The following TBC1D22A variants were observed in gnomAD, a reference collection of about 807,000 sequenced individuals.
The protein encoded by TBC1D22A is putative GTPase activator.
TBC1D22A carries 38 observed loss-of-function variants against 60.2 expected under a neutral mutation model. The observed-to-expected ratio is 0.63, with a 90% CI of 0.49 to 0.83. The LOEUF (loss-of-function observed/expected upper bound fraction) is 0.83, where lower values mean the gene tolerates loss of function less well. Among genes scored for constraint, TBC1D22A ranks in the 40% least tolerant of loss-of-function variants. The pLI, the probability that TBC1D22A is intolerant of heterozygous loss-of-function variation, is 0.00. For synonymous variants in TBC1D22A, 302 were observed against 281.7 expected (o/e 1.07, Z -0.72); for missense variants, 628 against 701.0 (o/e 0.90, Z 1.18).
intron 4 of TBC1D22A, among the ~76,000 whole-genome samples, chr22:46,807,134 G>A (rs1312171006): frequency 5.3e-5 from 8 of 152,246 alleles, no homozygotes; most frequent in African/African-American, 1.9e-4. Context: ...TCTTTAAGAA[G>A]GAAAGTTGGA....
intron 12 of TBC1D22A, among the ~76,000 whole-genome samples, chr22:47,155,467 TG>T (rs2067675982): frequency 1.3e-5 from 2 of 152,136 alleles, no homozygotes; most frequent in Admixed American, 1.3e-4. Context: ...TATCAGAGCC[TG>T]CACTCCGGGC....
At chr22:47,034,261 G>A (rs1459664418) in intron 10 of TBC1D22A, among the ~76,000 whole-genome samples, 3 of 152,196 alleles carry the variant, frequency 2.0e-5, no homozygotes, top group East Asian at 1.9e-4. Flanking sequence ...TGGAGTGGGT[G>A]TCCTGCGTGA....
At chr22:46,996,117 G>A (rs192962500) in intron 9 of TBC1D22A, among the ~76,000 whole-genome samples, 103 of 152,332 alleles carry the variant, frequency 6.8e-4, no homozygotes, top group East Asian at 5.2e-3. Context: ...CCCCACTGTC[G>A]GAAAGGCTGC....
intron 4 of TBC1D22A, among the ~76,000 whole-genome samples, chr22:46,852,335 A>C (rs963748387): frequency 6.6e-6 from 1 of 152,184 alleles, no homozygotes; most frequent in African/African-American, 2.4e-5. Context: ...CCAGAACCCC[A>C]GGGTGGCGGC....
At chr22:46,792,923 G>T (rs2084482769) in intron 2 of TBC1D22A, 1 of 1,359,738 alleles carries the variant, frequency 7.4e-7, no homozygotes, top group East Asian at 2.6e-5. Flanking sequence ...TCCACCAGCT[G>T]CTGGAGCCCG....
intron 3 of TBC1D22A, among the ~76,000 whole-genome samples, chr22:46,795,031 T>G (rs563479400): frequency 6.6e-6 from 1 of 152,378 alleles, no homozygotes; most frequent in Non-Finnish European, 1.5e-5. Context: ...ACTTCTAAAA[T>G]GTTACAGCTC....
chr22:46,781,465 C>A (rs1272199451), intron 1 of TBC1D22A, among the ~76,000 whole-genome samples: 1 of 152,194 alleles, frequency 6.6e-6, no homozygotes, highest in African/African-American at 2.4e-5. Context: ...CCTGAGCCAC[C>A]ACGCCCAACC....
chr22:46,831,178 A>G (rs2086293055), intron 4 of TBC1D22A, among the ~76,000 whole-genome samples: 1 of 152,140 alleles, frequency 6.6e-6, no homozygotes, highest in Non-Finnish European at 1.5e-5. Context: ...AGGAGCAGAG[A>G]GCATGGACAG....
intron 8 of TBC1D22A, among the ~76,000 whole-genome samples, chr22:46,920,330 T>C (rs952843590): frequency 2.6e-4 from 39 of 152,292 alleles, no homozygotes; most frequent in Admixed American, 1.3e-3. Context: ...TCTTCTTCCT[T>C]GGCCTCTCAA....
intron 11 of TBC1D22A, among the ~76,000 whole-genome samples, chr22:47,052,491 A>G (rs2063257935): frequency 6.6e-6 from 1 of 152,162 alleles, no homozygotes; most frequent in African/African-American, 2.4e-5. Flanking sequence ...CCTGGGGAGC[A>G]TTGTGTACAG....
intron 8 of TBC1D22A, among the ~76,000 whole-genome samples, chr22:46,938,589 C>CTTT (rs60745746): frequency 8.3e-4 from 116 of 140,594 alleles, no homozygotes; most frequent in Middle Eastern, 7.4e-3. Context: ...TTATTTCTCT[C>CTTT]TTTTTTTTTT....
chr22:47,037,587 C>T (rs940724629), intron 11 of TBC1D22A, among the ~76,000 whole-genome samples: 3 of 152,176 alleles, frequency 2.0e-5, no homozygotes, highest in African/African-American at 4.8e-5. Flanking sequence ...GCCAAGCTTG[C>T]GCCACTGCAC....
At chr22:47,112,469 G>A (rs928972863) in intron 12 of TBC1D22A, among the ~76,000 whole-genome samples, 45 of 152,184 alleles carry the variant, frequency 3.0e-4, no homozygotes, top group African/African-American at 8.2e-4. Flanking sequence ...AGTGCTCTGC[G>A]CAGCTGGCAG....
intron 4 of TBC1D22A, among the ~76,000 whole-genome samples, chr22:46,807,654 C>T (rs2085206275): frequency 1.3e-5 from 2 of 152,132 alleles, no homozygotes; most frequent in South Asian, 2.1e-4. Flanking sequence ...CCTGTGATTC[C>T]CATTTTGCAG....
chr22:46,793,925 A>G, intron 3 of TBC1D22A, 84 bp downstream of exon 3: 1 of 1,304,158 alleles, frequency 7.7e-7, no homozygotes, highest in Non-Finnish European at 1.0e-6. Context: ...TGGGAGAATC[A>G]GTGGGTTCCC....
intron 12 of TBC1D22A, among the ~76,000 whole-genome samples, chr22:47,128,013 CCCA>C (rs2066533255): frequency 1.1e-5 from 1 of 93,508 alleles, no homozygotes; most frequent in African/African-American, 4.4e-5. Context: ...CACCCATCCC[CCCA>C]TCCTCCCTCC....
intron 3 of TBC1D22A, among the ~76,000 whole-genome samples, chr22:46,797,079 G>A (rs743143): frequency 5.9e-5 from 9 of 152,224 alleles, no homozygotes; most frequent in Admixed American, 2.6e-4. Context: ...TGGCTGACCC[G>A]AGGGCACCGT....
At chr22:47,148,834 G>T (rs1361142680) in intron 12 of TBC1D22A, among the ~76,000 whole-genome samples, 2 of 152,176 alleles carry the variant, frequency 1.3e-5, no homozygotes, top group South Asian at 2.1e-4. Context: ...TGCAGTGCCT[G>T]CCTGTGCTTC....
intron 8 of TBC1D22A, among the ~76,000 whole-genome samples, chr22:46,942,681 C>T (rs2072246591): frequency 1.3e-5 from 2 of 152,208 alleles, no homozygotes; most frequent in South Asian, 2.1e-4. Context: ...AAGCCGGCTT[C>T]AGGAAGTGCC....
Sources: allele counts gnomAD v4.1 joint callset (sites outside exome capture counted in the v4.1 genomes callset), GRCh38; gene constraint gnomAD v4.1.1; transcripts MANE v1.5; gene names NCBI Gene and HGNC (gene_info 2026-07-23, HGNC 2026-07-21).